KCND2: variants seen among roughly 807,000 people sequenced by gnomAD.
The protein encoded by KCND2 is A-type voltage-gated potassium channel KCND2.
Under a neutral mutation model 54.4 loss-of-function variants are expected in KCND2, and 16 were observed. The ratio of observed to expected loss-of-function variants is 0.29; its 90% confidence interval spans 0.20 to 0.45. The LOEUF (loss-of-function observed/expected upper bound fraction) is 0.45, where lower values mean the gene tolerates loss of function less well. Among genes scored for constraint, KCND2 ranks in the 20% least tolerant of loss-of-function variants. The pLI, the probability that KCND2 is intolerant of heterozygous loss-of-function variation, is 1.00. For synonymous variants in KCND2, 317 were observed against 310.7 expected (o/e 1.02, Z -0.21); for missense variants, 486 against 824.2 (o/e 0.59, Z 5.02).
At chr7:120,325,513 G>A (rs891820584) in intron 1 of KCND2, among the ~76,000 whole-genome samples, 4 of 151,520 alleles carry the variant, frequency 2.6e-5, no homozygotes, top group East Asian at 1.9e-4. Context: ...AGCATGAAGA[G>A]TTGTTGAATT....
chr7:120,544,936 T>C (rs142551560), intron 1 of KCND2, among the ~76,000 whole-genome samples: 3 of 151,958 alleles, frequency 2.0e-5, no homozygotes, highest in South Asian at 2.1e-4. Flanking sequence ...GCAAGTCTGA[T>C]TATTAAAAAA....
intron 1 of KCND2, among the ~76,000 whole-genome samples, chr7:120,396,861 A>G (rs1563032676): frequency 6.6e-6 from 1 of 152,016 alleles, no homozygotes; most frequent in Non-Finnish European, 1.5e-5. Context: ...TGTTGTTGTT[A>G]TTTTATTGAA....
chr7:120,431,102 T>C (rs1380033474), intron 1 of KCND2, among the ~76,000 whole-genome samples: 1 of 152,200 alleles, frequency 6.6e-6, no homozygotes, highest in Non-Finnish European at 1.5e-5. Flanking sequence ...TTTGACTATC[T>C]GTGTTTATAA....
intron 1 of KCND2, among the ~76,000 whole-genome samples, chr7:120,601,241 C>T (rs1250518038): frequency 6.6e-6 from 1 of 152,042 alleles, no homozygotes; most frequent in East Asian, 1.9e-4. Flanking sequence ...TTTATTTACT[C>T]ATATTTCTGA....
In KCND2 at chr7:120,579,393, A is replaced by G. The variant is rs539479951; in HGVS notation, c.1116-153510A>G. Among the ~76,000 whole-genome samples the G allele has an allele frequency of 2.5e-4, 38 of 152,102 alleles. No individual in the cohort carries two copies. The South Asian group carries it at 6.6e-3, about 27-fold the overall frequency. ...GCTGAGGTGGGTGGATCATGAGGTC[A>G]GGAGATCAAGACCATCCTGGCCAAC... On this transcript the variant is annotated intron_variant, in intron 1 of 5. Transcript: ENST00000331113.
At chr7:120,573,873 A>C (rs1792395393) in intron 1 of KCND2, among the ~76,000 whole-genome samples, 1 of 152,178 alleles carries the variant, frequency 6.6e-6, no homozygotes, top group African/African-American at 2.4e-5. Context: ...GTTATTCTCA[A>C]ATTAAAAGAA....
In KCND2 at chr7:120,446,545, A is replaced by AACAC. The variant is rs150533505; in HGVS notation, c.1115+170814_1115+170817dup. On this transcript the variant is annotated intron_variant, in intron 1 of 5. Transcript: ENST00000331113. The stretch of plus-strand genomic sequence containing the variant: ...ATTTCCAATATTATACCATATTATA[A>AACAC]ACACACACACACACACACATACACA... Among the ~76,000 whole-genome samples, 492 of 138,754 alleles carry AACAC rather than the reference A, an allele frequency of 3.5e-3. 1 individual carries two copies. The highest frequency in any genetic ancestry group is 0.014 in the African/African-American group (467 of 33,040). 91.0% of individuals were successfully genotyped at this position (138,754 alleles called of 152,430 possible).
intron 1 of KCND2, among the ~76,000 whole-genome samples, chr7:120,724,412 A>G (rs1487396468): frequency 1.3e-5 from 2 of 152,226 alleles, no homozygotes; most frequent in East Asian, 1.9e-4. Context: ...GGATTTATGC[A>G]GTAGGAGTGC....
At chr7:120,490,486 T>C (rs560111348) in intron 1 of KCND2, among the ~76,000 whole-genome samples, 33 of 152,278 alleles carry the variant, frequency 2.2e-4, no homozygotes, top group African/African-American at 7.5e-4. Flanking sequence ...TTTGTTTTTG[T>C]TTTGTTTTTG....
At chr7:120,634,567 G>A (rs1424806208) in intron 1 of KCND2, among the ~76,000 whole-genome samples, 2 of 151,992 alleles carry the variant, frequency 1.3e-5, no homozygotes, top group Non-Finnish European at 2.9e-5. Context: ...CCCCAAACCT[G>A]TTGCATGTGC....
intron 2 of KCND2, among the ~76,000 whole-genome samples, chr7:120,737,105 A>C (rs1792884707): frequency 6.6e-6 from 1 of 150,882 alleles, no homozygotes; most frequent in African/African-American, 2.4e-5. Flanking sequence ...AAAACAAAAA[A>C]CAGATTGTTG....
intron 1 of KCND2, among the ~76,000 whole-genome samples, chr7:120,359,944 G>T (rs1800569686): frequency 2.0e-5 from 3 of 152,020 alleles, no homozygotes; most frequent in Admixed American, 2.0e-4. Context: ...TGCCATGATT[G>T]TAAGTTTCCT....
At chr7:120,456,224 G>A (rs1370851378) in intron 1 of KCND2, among the ~76,000 whole-genome samples, 1 of 152,140 alleles carries the variant, frequency 6.6e-6, no homozygotes, top group Non-Finnish European at 1.5e-5. Flanking sequence ...ATTTTAAGAT[G>A]ATTGGTCTAA....
At chr7:120,495,058 A>G (rs1048067327) in intron 1 of KCND2, among the ~76,000 whole-genome samples, 6 of 152,236 alleles carry the variant, frequency 3.9e-5, no homozygotes, top group African/African-American at 1.4e-4. Context: ...CCCTGAAATC[A>G]TGTGCATTAA....
intron 1 of KCND2, among the ~76,000 whole-genome samples, chr7:120,281,908 G>C (rs1799269537): frequency 6.6e-6 from 1 of 152,074 alleles, no homozygotes; most frequent in Non-Finnish European, 1.5e-5. Flanking sequence ...TTTGTTATTT[G>C]AACATTTTGT....
chr7:120,449,111 C>A (rs1036827301), intron 1 of KCND2, among the ~76,000 whole-genome samples: 2 of 152,002 alleles, frequency 1.3e-5, no homozygotes, highest in Non-Finnish European at 2.9e-5. Context: ...GGGCGGATCA[C>A]AAGGCCAGGA....
At chr7:120,286,038 G>GT (rs1799337328) in intron 1 of KCND2, among the ~76,000 whole-genome samples, 1 of 151,556 alleles carries the variant, frequency 6.6e-6, no homozygotes, top group African/African-American at 2.4e-5. Flanking sequence ...CTAAAGGGAG[G>GT]ATTTTTTTTC....
At chr7:120,284,239 A>G (rs1799305946) in intron 1 of KCND2, among the ~76,000 whole-genome samples, 1 of 151,934 alleles carries the variant, frequency 6.6e-6, no homozygotes, top group African/African-American at 2.4e-5. Context: ...CCAGAGGCCT[A>G]TTTCCTGATA....
intron 1 of KCND2, among the ~76,000 whole-genome samples, chr7:120,521,997 C>G (rs1488629025): frequency 6.6e-6 from 1 of 152,190 alleles, no homozygotes; most frequent in Admixed American, 6.6e-5. Flanking sequence ...CTCTATTACT[C>G]TCTGAACAAA....
Sources: allele counts gnomAD v4.1 joint callset (sites outside exome capture counted in the v4.1 genomes callset), GRCh38; gene constraint gnomAD v4.1.1; transcripts MANE v1.5; gene names NCBI Gene and HGNC (gene_info 2026-07-23, HGNC 2026-07-21).